The following SLC24A3 variants were observed in gnomAD, a reference collection of about 807,000 sequenced individuals.
SLC24A3 encodes solute carrier family 24 member 3, also known as sodium/potassium/calcium exchanger 3.
In SLC24A3, 28 loss-of-function variants were observed where a neutral mutation model predicts 75.8. The observed-to-expected ratio is 0.37, with a 90% CI of 0.27 to 0.51. The LOEUF (loss-of-function observed/expected upper bound fraction) is 0.51. Ranked by LOEUF, SLC24A3 falls within the 20% of genes least tolerant of loss-of-function variation. SLC24A3 has a pLI of 0.94. For synonymous variants in SLC24A3, 372 were observed against 334.1 expected, an observed-to-expected ratio of 1.11 and a Z score of -1.24; for missense variants, 663 against 847.8, an observed-to-expected ratio of 0.78 and a Z score of 2.71.
chr20:19,415,723 C>T (rs2122427506), intron 2 of SLC24A3, among the ~76,000 whole-genome samples: 1 of 152,010 alleles, frequency 6.6e-6, no homozygotes, highest in East Asian at 1.9e-4. Context: ...TCAAAATTAG[C>T]ATGCATTTCA....
chr20:19,233,452 C>T (rs1982081851), intron 1 of SLC24A3, among the ~76,000 whole-genome samples: 2 of 152,196 alleles, frequency 1.3e-5, no homozygotes, highest in African/African-American at 4.8e-5. Flanking sequence ...CGTGATGGCT[C>T]TTTCACCTTG....
intron 1 of SLC24A3, among the ~76,000 whole-genome samples, chr20:19,231,938 A>G (rs1352439107): frequency 6.6e-6 from 1 of 152,206 alleles, no homozygotes; most frequent in Admixed American, 6.5e-5. Flanking sequence ...CCTAGCTAGA[A>G]TGTCAGCTCC....
intron 9 of SLC24A3, among the ~76,000 whole-genome samples, chr20:19,679,501 C>CGGAGAGGGAGACCTTGG (rs1568695433): frequency 9.3e-6 from 1 of 107,118 alleles, no homozygotes; most frequent in Non-Finnish European, 2.0e-5. Context: ...TGGAAAGAGA[C>CGGAGAGGGAGACCTTGG]GGAGAGGGAG....
intron 1 of SLC24A3, among the ~76,000 whole-genome samples, chr20:19,245,447 C>T (rs551341330): frequency 1.2e-4 from 19 of 152,098 alleles, no homozygotes; most frequent in Admixed American, 4.6e-4. Context: ...TTTGAGTTGG[C>T]GGTCAGAATT....
intron 1 of SLC24A3, among the ~76,000 whole-genome samples, chr20:19,252,170 G>A (rs897598556): frequency 4.6e-5 from 7 of 152,078 alleles, no homozygotes; most frequent in South Asian, 2.1e-4. Context: ...CAACCATCTC[G>A]GGCAAATATT....
intron 2 of SLC24A3, among the ~76,000 whole-genome samples, chr20:19,318,898 A>G (rs1268493042): frequency 6.6e-6 from 1 of 152,056 alleles, no homozygotes; most frequent in East Asian, 1.9e-4. Flanking sequence ...CTCGGTCTAA[A>G]TGATGCTTTT....
intron 2 of SLC24A3, among the ~76,000 whole-genome samples, chr20:19,357,809 A>G (rs1307938043): frequency 6.6e-6 from 1 of 152,264 alleles, no homozygotes; most frequent in Non-Finnish European, 1.5e-5. Context: ...CCTTCAGATA[A>G]TGGGCAAAGC....
At position 19,673,120 on chromosome 20, in the gene SLC24A3, C is replaced by A. The variant is rs529970297; in HGVS notation, c.714-481C>A. ...CTTCTTACTCTTCGACTGGTACCTTCCCTGCCCAGGTTCCGTCTGTCTGTC... is the reference window on the plus strand; with the variant it reads ...CTTCTTACTCTTCGACTGGTACCTTACCTGCCCAGGTTCCGTCTGTCTGTC... On this transcript the variant is annotated intron_variant, in intron 8 of 16. Transcript: ENST00000328041. Among the ~76,000 whole-genome samples the A allele has an allele frequency of 2.0e-5, 3 of 152,334 alleles. No homozygotes were observed. In the East Asian group the frequency reaches 5.8e-4, roughly 29 times the overall value.
At chr20:19,410,449 G>A (rs751930637) in intron 2 of SLC24A3, among the ~76,000 whole-genome samples, 7 of 152,140 alleles carry the variant, frequency 4.6e-5, no homozygotes, top group Non-Finnish European at 7.4e-5. Flanking sequence ...GGGTTGCTAG[G>A]CTCTCTCAGG....
chr20:19,411,478 G>A (rs1986742944), intron 2 of SLC24A3, among the ~76,000 whole-genome samples: 1 of 152,186 alleles, frequency 6.6e-6, no homozygotes, highest in Non-Finnish European at 1.5e-5. Flanking sequence ...GCAGATTGAT[G>A]TTTCTTCCTC....
At chr20:19,579,252 A>G (rs2031183954) in intron 3 of SLC24A3, among the ~76,000 whole-genome samples, 1 of 152,200 alleles carries the variant, frequency 6.6e-6, no homozygotes, top group African/African-American at 2.4e-5. Context: ...AGATTTCATT[A>G]GTTGGAGAGG....
rs7264297 is a variant in SLC24A3, at chr20:19,245,236, G to T, written c.142+32252G>T. 7.2e-3 allele frequency among the ~76,000 whole-genome samples: 1,091 copies of T among 152,192 alleles called. 14 individuals are homozygous for T. The highest frequency in any genetic ancestry group is 0.025 in the African/African-American group (1,037 of 41,516). On this transcript the variant is annotated intron_variant, in intron 1 of 16. Transcript: ENST00000328041. ...CATGGTCCTGGAAACCTCATGCCAA[G>T]AAATTAACATATTATAGTAATGGAG... is the stretch of plus-strand genomic sequence containing the variant.
intron 2 of SLC24A3, among the ~76,000 whole-genome samples, chr20:19,493,779 ATCCCC>A (rs1988239860): frequency 6.6e-6 from 1 of 152,206 alleles, no homozygotes; most frequent in African/African-American, 2.4e-5. Flanking sequence ...TGGCCAGTTC[ATCCCC>A]TTCCCTGAGA....
At chr20:19,594,288 G>A (rs1409528346) in intron 6 of SLC24A3, among the ~76,000 whole-genome samples, 1 of 152,188 alleles carries the variant, frequency 6.6e-6, no homozygotes, top group African/African-American at 2.4e-5. Context: ...GAGTGACAGA[G>A]CAGACCAGAT....
At chr20:19,481,366 G>C (rs1034278572) in intron 2 of SLC24A3, among the ~76,000 whole-genome samples, 6 of 152,140 alleles carry the variant, frequency 3.9e-5, no homozygotes, top group African/African-American at 1.4e-4. Context: ...AGTGTATGAG[G>C]CCACAGCCAC....
At chr20:19,520,703 T>C (rs1417628561) in intron 3 of SLC24A3, among the ~76,000 whole-genome samples, 1 of 151,208 alleles carries the variant, frequency 6.6e-6, no homozygotes, top group Non-Finnish European at 1.5e-5. Context: ...CAGGGCATGA[T>C]CTCAAGGTTG....
chr20:19,363,681 T>C (rs1985833827), intron 2 of SLC24A3, among the ~76,000 whole-genome samples: 1 of 152,222 alleles, frequency 6.6e-6, no homozygotes, highest in Non-Finnish European at 1.5e-5. Context: ...CTCGTGTGGC[T>C]TATTGTTTTT....
intron 2 of SLC24A3, among the ~76,000 whole-genome samples, chr20:19,497,882 C>T (rs573807791): frequency 6.6e-6 from 1 of 152,324 alleles, no homozygotes; most frequent in African/African-American, 2.4e-5. Context: ...CCCCATTCCC[C>T]AGACCATGGA....
At chr20:19,549,703 G>T (rs1013941780) in intron 3 of SLC24A3, among the ~76,000 whole-genome samples, 27 of 152,288 alleles carry the variant, frequency 1.8e-4, no homozygotes, top group African/African-American at 6.3e-4. Flanking sequence ...AGAATTGCTT[G>T]AACCTGGGAG....
Sources: allele counts gnomAD v4.1 joint callset (sites outside exome capture counted in the v4.1 genomes callset), GRCh38; gene constraint gnomAD v4.1.1; transcripts MANE v1.5; gene names NCBI Gene and HGNC (gene_info 2026-07-23, HGNC 2026-07-21).